Variants in IGHMBP2 observed in about 807,000 individuals in gnomAD.
The protein encoded by IGHMBP2 is DNA-binding protein SMUBP-2.
A neutral mutation model predicts 96.0 loss-of-function variants in IGHMBP2; 81 were observed. That is an observed-to-expected ratio of 0.84 (90% confidence interval 0.71 to 1.01). IGHMBP2 has a LOEUF of 1.01. IGHMBP2 is among the 50% of genes least tolerant of loss of function. The probability of loss-of-function intolerance (pLI) is 0.00; values close to 1 mark genes in which losing one functional copy is unlikely to be tolerated. For synonymous variants in IGHMBP2, 557 were observed against 548.9 expected (o/e 1.01, Z -0.21); for missense variants, 1,227 against 1,306.3 (o/e 0.94, Z 0.94).
At chr11:68,914,302 A>G (rs375484692) in intron 5 of IGHMBP2, among the ~76,000 whole-genome samples, 3 of 86,396 alleles carry the variant, frequency 3.5e-5, no homozygotes, top group Admixed American at 9.8e-5. Context: ...CAAAAAAAAA[A>G]AAGAAAGAAA....
At chr11:68,935,677 AG>A (rs1268869467) in intron 12 of IGHMBP2, among the ~76,000 whole-genome samples, 2 of 152,176 alleles carry the variant, frequency 1.3e-5, no homozygotes, top group Non-Finnish European at 2.9e-5. Flanking sequence ...GGGAATGATC[AG>A]GACATCCTGC....
At chr11:68,938,574 G>A (rs1304802549) in intron 14 of IGHMBP2, among the ~76,000 whole-genome samples, 1 of 152,248 alleles carries the variant, frequency 6.6e-6, no homozygotes, top group Non-Finnish European at 1.5e-5. Context: ...CTGCAGCCAC[G>A]TTAGTGGGAA....
intron 7 of IGHMBP2, among the ~76,000 whole-genome samples, chr11:68,920,169 G>C (rs1858826877): frequency 6.6e-6 from 1 of 152,192 alleles, no homozygotes; most frequent in African/African-American, 2.4e-5. Context: ...TTGTCGTCTT[G>C]TGACTGGCTT....
intron 14 of IGHMBP2, among the ~76,000 whole-genome samples, chr11:68,938,750 A>T (rs1051675134): frequency 6.6e-6 from 1 of 151,586 alleles, no homozygotes; most frequent in Non-Finnish European, 1.5e-5. Flanking sequence ...GTTGATGAGA[A>T]CCCCCTGGGC....
rs538890714 is a variant in IGHMBP2, at chr11:68,937,151, G to A, written c.2611+60G>A. 6.3e-6 allele frequency: 10 copies of A among 1,582,522 alleles called. No homozygotes were observed. The South Asian group carries it at 1.0e-4, about 16-fold the overall frequency. ...CCTCACTGGGGTGCTGGCCCCACTT[G>A]GAGCCCACCTGCCACCATCAACAGA... On this transcript the variant is annotated intron_variant, in intron 13 of 14. Transcript: ENST00000255078.
intron 8 of IGHMBP2, 28 bp from the exon 9 acceptor site, chr11:68,933,271 C>T: frequency 5.0e-6 from 8 of 1,603,450 alleles, no homozygotes; most frequent in Non-Finnish European, 6.8e-6. Flanking sequence ...TCAGGCCTGC[C>T]TTCCCCCTTT....
At position 68,908,285 on chromosome 11, in the gene IGHMBP2, T is replaced by A; in HGVS notation, c.397T>A (p.Ser133Thr). ...DFQLSLDRENSYRLLKLANDV... is the reference protein window; with the variant it reads ...DFQLSLDRENTYRLLKLANDV... ...CCAGTTGAGCTTGGACCGAGAGAAT[T>A]CCTACAGACTGTTAAAACTTGCCAA... is the stretch of plus-strand genomic sequence containing the variant. Residue 133 changes from serine to threonine, a missense_variant, in exon 3 of 15, where the codon TCC becomes ACC. Coordinates refer to ENST00000255078, the MANE Select transcript of IGHMBP2 (RefSeq NM_002180.3). 6.2e-7 allele frequency: 1 copy of A among 1,614,128 alleles called. No homozygotes were observed. Among genetic ancestry groups the A allele is most frequent in the Non-Finnish European group, 8.5e-7 (1 of 1,180,010 alleles).
At chr11:68,922,249 G>A (rs1016748438) in intron 7 of IGHMBP2, among the ~76,000 whole-genome samples, 10 of 151,884 alleles carry the variant, frequency 6.6e-5, no homozygotes, top group African/African-American at 1.7e-4. Context: ...ACCCGGAGGC[G>A]GAGATTGCAG....
Position 68,923,278 on chromosome 11 carries a change from C to T in IGHMBP2, c.1060+5395C>T, listed in dbSNP as rs1172493532. On this transcript the variant is annotated intron_variant, in intron 7 of 14. Transcript: ENST00000255078. ...AGTGCAGTGGTGCGATCTTGGCTCA[C>T]TGCAACCTCTGCCTCCTGGATTCAA... Among the ~76,000 whole-genome samples, 4 of 152,128 alleles carry T rather than the reference C, an allele frequency of 2.6e-5. 1 individual carries two copies.
At chr11:68,937,965 T>G in intron 13 of IGHMBP2, 1 of 592,490 alleles carries the variant, frequency 1.7e-6, no homozygotes, top group South Asian at 2.0e-5. Context: ...TTTTTAATTT[T>G]TTTTAGAATT....
At chr11:68,921,268 A>T (rs1858867247) in intron 7 of IGHMBP2, among the ~76,000 whole-genome samples, 1 of 147,326 alleles carries the variant, frequency 6.8e-6, no homozygotes, top group South Asian at 2.2e-4. Flanking sequence ...ATTTATTTTT[A>T]AAAGATAATT....
chr11:68,914,130 A>G (rs1205008616), intron 5 of IGHMBP2, among the ~76,000 whole-genome samples: 2 of 152,164 alleles, frequency 1.3e-5, no homozygotes, highest in Admixed American at 6.5e-5. Flanking sequence ...AGAGGCCTCA[A>G]TGTCCTTTTC....
At chr11:68,911,967 T>G (rs1487783225) in intron 5 of IGHMBP2, among the ~76,000 whole-genome samples, 1 of 152,256 alleles carries the variant, frequency 6.6e-6, no homozygotes, top group Admixed American at 6.5e-5. Context: ...GGGCCCGGTC[T>G]GTGCCCGTCA....
chr11:68,923,934 G>T (rs1288683396), intron 7 of IGHMBP2, among the ~76,000 whole-genome samples: 1 of 152,064 alleles, frequency 6.6e-6, no homozygotes, highest in African/African-American at 2.4e-5. Context: ...TCTCAGCCTT[G>T]TCTCCTCAAC....
Position 68,936,559 on chromosome 11 carries a change from C to G in IGHMBP2, c.2079C>G (p.Gly693=). The G allele has an allele frequency of 1.2e-6, 2 of 1,611,982 alleles. No individual in the cohort carries two copies. Among genetic ancestry groups the G allele is most frequent in the Non-Finnish European group, 8.5e-7 (1 of 1,178,976 alleles). Residue 693 remains glycine (G), a synonymous_variant, in exon 13 of 15, where the codon GGC becomes GGG. Transcript: ENST00000255078. ...AGGCTGCAGCACCTGCCAGACAGGG[C>G]CGGAAGAAGCCGGCTGGGAAGTCTC... ...GQEAAAPARQ[G]RKKPAGKSLA...
chr11:68,907,166 C>T (rs1049146181), intron 2 of IGHMBP2, among the ~76,000 whole-genome samples: 2 of 152,026 alleles, frequency 1.3e-5, no homozygotes, highest in African/African-American at 2.4e-5. Context: ...TGGGCTGAGG[C>T]AGGAGGATCG....
intron 1 of IGHMBP2, 146 bp from the exon 2 acceptor site, chr11:68,905,923 G>A: frequency 1.2e-6 from 1 of 831,868 alleles, no homozygotes; most frequent in South Asian, 1.4e-5. Flanking sequence ...GGGATTGGGA[G>A]TGGAGCCAAT....
intron 7 of IGHMBP2, among the ~76,000 whole-genome samples, chr11:68,921,411 G>A (rs1185328089): frequency 6.6e-6 from 1 of 151,946 alleles, no homozygotes; most frequent in East Asian, 1.9e-4. Context: ...TTTTGTTTTT[G>A]TTGGCTTGTT....
At chr11:68,916,443 C>T (rs765104326) in intron 6 of IGHMBP2, among the ~76,000 whole-genome samples, 9 of 152,142 alleles carry the variant, frequency 5.9e-5, no homozygotes, top group Non-Finnish European at 1.2e-4. Flanking sequence ...CTCCCGTGGA[C>T]GCTTTGTTGT....
Sources: gnomAD v4.1 joint callset for allele counts (sites outside exome capture counted in the v4.1 genomes callset) on GRCh38, gnomAD v4.1.1 for gene constraint, MANE v1.5 for transcripts, NCBI Gene and HGNC (gene_info 2026-07-23, HGNC 2026-07-21) for gene names.